ACSF2: variants seen among roughly 807,000 people sequenced by gnomAD.
The protein encoded by ACSF2 is medium-chain acyl-CoA ligase ACSF2, mitochondrial.
ACSF2 carries 52 observed loss-of-function variants against 79.3 expected under a neutral mutation model. That is an observed-to-expected ratio of 0.66 (90% CI 0.53 to 0.83). The LOEUF (loss-of-function observed/expected upper bound fraction) is 0.83. Ranked by LOEUF, ACSF2 falls within the 40% of genes least tolerant of loss-of-function variation. The pLI is 0.00. For synonymous variants in ACSF2, 283 were observed against 312.6 expected (o/e 0.91, Z 1.00); for missense variants, 661 against 803.3 (o/e 0.82, Z 2.14).
intron 1 of ACSF2, among the ~76,000 whole-genome samples, chr17:50,454,026 A>G (rs1216642127): frequency 6.6e-6 from 1 of 152,012 alleles, no homozygotes; most frequent in African/African-American, 2.4e-5. Flanking sequence ...ATAGCCAACC[A>G]TGGGGTCATA....
At chr17:50,458,292 A>T (rs150697823) in intron 1 of ACSF2, among the ~76,000 whole-genome samples, 1 of 152,110 alleles carries the variant, frequency 6.6e-6, no homozygotes, top group Admixed American at 6.5e-5. Context: ...TCCAGGCCCA[A>T]TGTCCTCTGC....
intron 1 of ACSF2, among the ~76,000 whole-genome samples, chr17:50,438,301 T>C (rs575182219): frequency 6.6e-5 from 10 of 152,348 alleles, no homozygotes; most frequent in South Asian, 2.1e-4. Context: ...ATCTAAGATA[T>C]TAGTTTTACC....
rs542270419 is a variant in ACSF2, at chr17:50,472,646, C to T, written c.1475+67C>T. 1.4e-5 allele frequency: 21 copies of T among 1,521,302 alleles called. No individual in the cohort carries two copies. The African/African-American group carries it at 1.5e-4, about 11-fold the overall frequency. The allele number at this position is 1,521,302 out of a possible 1,614,324, so 94.2% of individuals were successfully genotyped here. ...GAGGCTGGAGGTCTTGAGGCTGAGC[C>T]GGGAACATTAACCTGGCACCGTGAG... is the stretch of plus-strand genomic sequence containing the variant. On this transcript the variant is annotated intron_variant, in intron 12 of 15. Coordinates refer to ENST00000300441, the MANE Select transcript of ACSF2 (RefSeq NM_025149.6).
chr17:50,467,718 A>G, intron 10 of ACSF2: 1 of 271,242 alleles, frequency 3.7e-6, no homozygotes, highest in Non-Finnish European at 6.9e-6. Context: ...AAGGCCCAAC[A>G]GGAAGAGGTG....
At position 50,462,411 on chromosome 17, in the gene ACSF2, C is replaced by T. The variant is rs1184265203; in HGVS notation, c.627-9C>T. On this transcript the variant is annotated splice_polypyrimidine_tract_variant and intron_variant, in intron 5 of 15. Coordinates refer to ENST00000300441, the MANE Select transcript of ACSF2 (RefSeq NM_025149.6). ...AGCCCCTGTCTCTCACCATCGTCCCCAACCCCAGGCTCCCAGATCTGACCA... is the reference window on the plus strand; with the variant it reads ...AGCCCCTGTCTCTCACCATCGTCCCTAACCCCAGGCTCCCAGATCTGACCA... 1 of 1,612,986 alleles carries T rather than the reference C, an allele frequency of 6.2e-7. No homozygotes were observed.
intron 1 of ACSF2, among the ~76,000 whole-genome samples, chr17:50,437,270 G>T (rs1256593049): frequency 6.6e-6 from 1 of 152,256 alleles, no homozygotes; most frequent in Non-Finnish European, 1.5e-5. Context: ...ACACAAGAGT[G>T]AATATGTTGA....
At position 50,462,426 on chromosome 17, in the gene ACSF2, A is replaced by G. The variant is rs1478228786; in HGVS notation, c.633A>G (p.Pro211=). 1 of 1,584,766 alleles carries G rather than the reference A, an allele frequency of 6.3e-7. No individual in the cohort carries two copies. The part of the protein sequence containing the change: ...QPGALKSQRL[P]DLTTVISVDA... ...CCATCGTCCCCAACCCCAGGCTCCC[A>G]GATCTGACCACAGTCATCTCGGTGG... The change falls in exon 6 of 16, where the codon CCA becomes CCG. Residue 211 remains proline (P), a synonymous_variant. Coordinates refer to ENST00000300441, the MANE Select transcript of ACSF2 (RefSeq NM_025149.6).
chr17:50,457,149 C>T (rs1277803930), intron 1 of ACSF2, among the ~76,000 whole-genome samples: 3 of 152,292 alleles, frequency 2.0e-5, no homozygotes, highest in South Asian at 2.1e-4. Context: ...CCTAGGACTG[C>T]GTGTCCTCAC....
At chr17:50,465,020 G>A in intron 10 of ACSF2, 1 of 466,488 alleles carries the variant, frequency 2.1e-6, no homozygotes. Flanking sequence ...GAAGGCAGAG[G>A]CCAGTCACCA....
intron 1 of ACSF2, among the ~76,000 whole-genome samples, chr17:50,446,917 T>A (rs1048697716): frequency 6.6e-6 from 1 of 152,204 alleles, no homozygotes; most frequent in Admixed American, 6.5e-5. Flanking sequence ...GTATTTTAAA[T>A]ATTGGAAATG....
At chr17:50,465,871 C>A in intron 10 of ACSF2, 4 of 1,613,604 alleles carry the variant, frequency 2.5e-6, no homozygotes, top group Non-Finnish European at 3.4e-6. Flanking sequence ...CATCTGAGAA[C>A]TGGGGAGCAA....
intron 10 of ACSF2, chr17:50,465,293 C>T: frequency 6.2e-7 from 1 of 1,614,034 alleles, no homozygotes; most frequent in Non-Finnish European, 8.5e-7. Context: ...CTGGCCCCCA[C>T]CTGTTTAATG....
chr17:50,460,224 C>T (rs553567471), intron 1 of ACSF2: 23 of 457,080 alleles, frequency 5.0e-5, no homozygotes, highest in African/African-American at 4.6e-4. Flanking sequence ...AAAACTGGCC[C>T]ACCAAGGAGT....
chr17:50,446,447 G>A (rs2031306812), intron 1 of ACSF2, among the ~76,000 whole-genome samples: 1 of 151,980 alleles, frequency 6.6e-6, no homozygotes, highest in African/African-American at 2.4e-5. Context: ...TAGTAGAGAC[G>A]GGGTTTCACC....
intron 1 of ACSF2, among the ~76,000 whole-genome samples, chr17:50,441,780 T>C (rs1417511538): frequency 6.6e-6 from 1 of 152,180 alleles, no homozygotes; most frequent in Non-Finnish European, 1.5e-5. Context: ...TCACCTACAG[T>C]GTATTAGACA....
chr17:50,474,615 C>A lies in ACSF2; in HGVS notation c.*63C>A. The A allele has an allele frequency of 6.6e-7, 1 of 1,510,144 alleles. No homozygotes were observed. The highest frequency in any genetic ancestry group is 1.1e-5 in the South Asian group (1 of 88,884). 93.5% of individuals were successfully genotyped at this position (1,510,144 alleles called of 1,614,324 possible). A position where few individuals can be genotyped will look rare whatever the true frequency, so the allele number is the denominator to read the frequency against. Reference sequence around the variant, plus strand: ...TCTCTCCTGTCAGAATGCAACCTGGCTTTATGCACCTAGATGTCCCCAGCA... The same window carrying A: ...TCTCTCCTGTCAGAATGCAACCTGGATTTATGCACCTAGATGTCCCCAGCA... On this transcript the variant is annotated 3_prime_UTR_variant, in exon 16 of 16. Coordinates refer to ENST00000300441, the MANE Select transcript of ACSF2 (RefSeq NM_025149.6). The surrounding 1 kb of genome is among the most constrained non-coding windows in gnomAD (Gnocchi z 4.2).
At chr17:50,459,989 G>A (rs998090125) in intron 1 of ACSF2, among the ~76,000 whole-genome samples, 1 of 152,158 alleles carries the variant, frequency 6.6e-6, no homozygotes, top group Admixed American at 6.5e-5. Context: ...CTGCCTGCCT[G>A]CCTTGTGACA....
At chr17:50,469,171 G>A (rs192417147) in intron 10 of ACSF2, 138 of 359,338 alleles carry the variant, frequency 3.8e-4, no homozygotes, top group African/African-American at 2.9e-3. Flanking sequence ...CTGGGAAGGG[G>A]GAATAGTTAT....
At chr17:50,469,040 A>C in intron 10 of ACSF2, 3 of 1,318,346 alleles carry the variant, frequency 2.3e-6, no homozygotes, top group Non-Finnish European at 2.9e-6. Flanking sequence ...CCGTTCCCCC[A>C]GCCGGCTACC....
Sources: allele counts gnomAD v4.1 joint callset (sites outside exome capture counted in the v4.1 genomes callset), GRCh38; gene constraint gnomAD v4.1.1; non-coding constraint Gnocchi (gnomAD v3.1); transcripts MANE v1.5; gene names NCBI Gene and HGNC (gene_info 2026-07-23, HGNC 2026-07-21).